MALRD1: variants seen among roughly 807,000 people sequenced by gnomAD.
MALRD1 encodes the protein MAM and LDL receptor class A domain containing 1, also known as MAM and LDL-receptor class A domain-containing protein 1.
A neutral mutation model predicts 242.1 loss-of-function variants in MALRD1; 247 were observed. The observed-to-expected ratio is 1.02, with a 90% CI of 0.92 to 1.13. MALRD1 has a LOEUF of 1.13. Ranked by LOEUF, MALRD1 falls within the 50% of genes most tolerant of loss-of-function variation. The pLI is 0.00. For missense variants in MALRD1, 2,989 were observed against 2,533.1 expected, an observed-to-expected ratio of 1.18 and a Z score of -3.86; for synonymous variants, 995 against 866.6, an observed-to-expected ratio of 1.15 and a Z score of -2.60.
chr10:19,705,814 A>G (rs925639459), intron 38 of MALRD1, among the ~76,000 whole-genome samples: 1 of 151,420 alleles, frequency 6.6e-6, no homozygotes, highest in Non-Finnish European at 1.5e-5. Flanking sequence ...TAAAAAAAAA[A>G]AAAAGCCCAC....
At chr10:19,413,485 G>T (rs944917914) in intron 28 of MALRD1, among the ~76,000 whole-genome samples, 5 of 150,098 alleles carry the variant, frequency 3.3e-5, no homozygotes, top group Admixed American at 1.3e-4. Flanking sequence ...TACAATTTTT[G>T]ATTTATGCTT....
intron 24 of MALRD1, among the ~76,000 whole-genome samples, chr10:19,346,066 T>C (rs760952781): frequency 1.1e-4 from 17 of 152,064 alleles, no homozygotes; most frequent in Non-Finnish European, 1.9e-4. Context: ...ATTACAGGGG[T>C]GAAGCACTCC....
intron 10 of MALRD1, among the ~76,000 whole-genome samples, chr10:19,138,202 ACGGAG>A (rs1220331542): frequency 6.6e-6 from 1 of 152,132 alleles, no homozygotes; most frequent in Non-Finnish European, 1.5e-5. Flanking sequence ...TGTGAGCTCA[ACGGAG>A]CTTTTGGGCT....
rs59938386 is a variant in MALRD1 at position 19,715,236 on chromosome 10, A to G, written c.6315-15470A>G. Among the ~76,000 whole-genome samples, 847 of 152,102 alleles carry G rather than the reference A, an allele frequency of 5.6e-3. 75 individuals are homozygous for G. In the East Asian group the frequency reaches 0.15, roughly 27 times the overall value. The stretch of plus-strand genomic sequence containing the variant: ...CCTTTAAAACTTATTGAAGACCCCA[A>G]AGACTTTTCTTAAGGTGGGTTATAC... On this transcript the variant is annotated intron_variant, in intron 38 of 39. Coordinates refer to ENST00000454679, the MANE Select transcript of MALRD1 (RefSeq NM_001142308.3).
chr10:19,285,025 T>G (rs1841035836), intron 21 of MALRD1, among the ~76,000 whole-genome samples: 1 of 102,774 alleles, frequency 9.7e-6, no homozygotes, highest in Non-Finnish European at 1.8e-5. Flanking sequence ...TTTTTTCATG[T>G]GTTTTTTGGC....
rs142271396 is a variant in MALRD1, at chr10:19,562,678, C to T, written c.5479-4824C>T. 1.1e-4 allele frequency among the ~76,000 whole-genome samples: 17 copies of T among 152,226 alleles called. No homozygotes were observed. In the East Asian group the frequency reaches 3.3e-3, roughly 30 times the overall value. On this transcript the variant is annotated intron_variant, in intron 32 of 39. Coordinates refer to ENST00000454679, the MANE Select transcript of MALRD1 (RefSeq NM_001142308.3). ...TGCAGGGGTATCCAAGCTCTGGGCCCATGGCCTGTTAGGAACCAGTTTGCA... is the reference window on the plus strand; with the variant it reads ...TGCAGGGGTATCCAAGCTCTGGGCCTATGGCCTGTTAGGAACCAGTTTGCA...
At chr10:19,535,921 A>G (rs1834652987) in intron 32 of MALRD1, among the ~76,000 whole-genome samples, 1 of 152,108 alleles carries the variant, frequency 6.6e-6, no homozygotes. Flanking sequence ...TTCAGAGGGG[A>G]TGTGGCAAAG....
intron 29 of MALRD1, 149 bp from the exon 30 acceptor site, chr10:19,491,364 GAGAA>G: frequency 1.1e-6 from 1 of 893,438 alleles, no homozygotes; most frequent in Non-Finnish European, 1.7e-6. Context: ...AGGTGGGACT[GAGAA>G]AGAGGAAGTT....
intron 10 of MALRD1, among the ~76,000 whole-genome samples, chr10:19,137,387 C>T (rs924415062): frequency 1.4e-4 from 21 of 151,872 alleles, no homozygotes; most frequent in Non-Finnish European, 2.6e-4. Flanking sequence ...AGGCAGATCA[C>T]AAGGTCAGGA....
chr10:19,425,181 A>C (rs757350971), intron 28 of MALRD1, among the ~76,000 whole-genome samples: 11 of 152,194 alleles, frequency 7.2e-5, no homozygotes. Context: ...TTAAATGACA[A>C]TGTGAAGTAA....
Position 19,514,263 on chromosome 10 carries a change from T to G in MALRD1, c.5320+15617T>G, listed in dbSNP as rs1460417797. On this transcript the variant is annotated intron_variant, in intron 31 of 39. Transcript: ENST00000454679. The stretch of plus-strand genomic sequence containing the variant: ...ACAGCATTATACTACAACCATCAGT[T>G]TCCTTGGAATTTTATATAATTTCTC... Among the ~76,000 whole-genome samples, 5 of 152,204 alleles carry G rather than the reference T, an allele frequency of 3.3e-5. 1 individual carries two copies. Among genetic ancestry groups the G allele is most frequent in the African/African-American group, 1.2e-4 (5 of 41,456 alleles).
At chr10:19,705,850 C>T (rs539256338) in intron 38 of MALRD1, among the ~76,000 whole-genome samples, 2 of 135,218 alleles carry the variant, frequency 1.5e-5, no homozygotes, top group Admixed American at 7.3e-5. Context: ...GGAAAGAAAG[C>T]ATTTTTTTCA....
intron 24 of MALRD1, among the ~76,000 whole-genome samples, chr10:19,339,382 C>T (rs1043565281): frequency 2.0e-5 from 3 of 152,040 alleles, no homozygotes; most frequent in Non-Finnish European, 4.4e-5. Flanking sequence ...AAGTAGTAGC[C>T]AATTCACGTT....
At chr10:19,233,574 C>G (rs370739228) in intron 18 of MALRD1, among the ~76,000 whole-genome samples, 2 of 149,668 alleles carry the variant, frequency 1.3e-5, no homozygotes, top group Admixed American at 1.4e-4. Context: ...GATTTTTTTT[C>G]CCAAAGCTTT....
intron 14 of MALRD1, among the ~76,000 whole-genome samples, chr10:19,176,243 T>A (rs1183071776): frequency 2.6e-5 from 4 of 152,004 alleles, no homozygotes; most frequent in African/African-American, 9.7e-5. Context: ...TTACAGGAGC[T>A]GAATGGACTA....
At chr10:19,645,129 A>T (rs1413449513) in intron 36 of MALRD1, among the ~76,000 whole-genome samples, 1 of 152,166 alleles carries the variant, frequency 6.6e-6, no homozygotes. Flanking sequence ...AATTCAGTAT[A>T]TAAGAAATGG....
chr10:19,160,766 TTC>T (rs1834359335), intron 12 of MALRD1, among the ~76,000 whole-genome samples: 1 of 100,546 alleles, frequency 9.9e-6, no homozygotes, highest in Admixed American at 1.1e-4. Flanking sequence ...GTTTGTAGTA[TTC>T]TCTGATGGTA....
chr10:19,345,692 A>C (rs774457965), intron 24 of MALRD1, among the ~76,000 whole-genome samples: 2 of 152,140 alleles, frequency 1.3e-5, no homozygotes, highest in Non-Finnish European at 2.9e-5. Context: ...TGAAGACATT[A>C]CAAATTTGTA....
intron 28 of MALRD1, among the ~76,000 whole-genome samples, chr10:19,397,061 C>G (rs1407823791): frequency 6.6e-6 from 1 of 152,002 alleles, no homozygotes; most frequent in Non-Finnish European, 1.5e-5. Context: ...GGGTAATTAG[C>G]TCATCTATAA....
Sources: allele counts gnomAD v4.1 joint callset (sites outside exome capture counted in the v4.1 genomes callset), GRCh38; gene constraint gnomAD v4.1.1; transcripts MANE v1.5; gene names NCBI Gene and HGNC (gene_info 2026-07-23, HGNC 2026-07-21).